The following BNIP2 variants were observed in gnomAD, a reference collection of about 807,000 sequenced individuals.
The protein encoded by BNIP2 is BCL2 interacting protein 2.
BNIP2 carries 36 observed loss-of-function variants against 43.4 expected under a neutral mutation model. The observed-to-expected ratio is 0.83, with a 90% CI of 0.64 to 1.10. BNIP2 has a LOEUF of 1.10. Among genes scored for constraint, BNIP2 ranks in the 50% least tolerant of loss-of-function variants. BNIP2 has a pLI of 0.00. For missense variants in BNIP2, 417 were observed against 374.1 expected (o/e 1.11, Z -0.95); for synonymous variants, 146 against 121.0 (o/e 1.21, Z -1.35).
chr15:59,679,515 T>C, intron 4 of BNIP2, 77 bp downstream of exon 4: 3 of 1,414,556 alleles, frequency 2.1e-6, no homozygotes, highest in East Asian at 2.5e-5. Context: ...ATATGAACTT[T>C]AGAAAGAATG....
At chr15:59,672,818 A>G (rs1487518899) in intron 5 of BNIP2, 79 bp from the exon 6 acceptor site, 3 of 967,160 alleles carry the variant, frequency 3.1e-6, no homozygotes, top group Middle Eastern at 2.1e-4. Context: ...TATGATTAGT[A>G]AATTATAAAT....
At position 59,669,471 on chromosome 15, in the gene BNIP2, T is replaced by C. The variant is rs555833137; in HGVS notation, c.708-109A>G. On this transcript the variant is annotated intron_variant, in intron 7 of 9. Transcript: ENST00000607373. ...ATAGTTGAAAAATCTCACCCAAAAGTTCTCAATTAGGTGTGATACCCCTGT... is the reference window on the plus strand; with the variant it reads ...ATAGTTGAAAAATCTCACCCAAAAGCTCTCAATTAGGTGTGATACCCCTGT... 3.1e-4 allele frequency: 233 copies of C among 741,800 alleles called. 8 individuals carry two copies. The South Asian group carries it at 5.3e-3, about 17-fold the overall frequency. The allele number at this position is 741,800 out of a possible 1,614,324, so 46.0% of individuals were successfully genotyped here.
intron 4 of BNIP2, chr15:59,679,365 T>G: frequency 2.6e-6 from 1 of 383,236 alleles, no homozygotes; most frequent in Non-Finnish European, 4.6e-6. Context: ...TCAAGAAATA[T>G]TTTTGAAACA....
chr15:59,681,594 G>A (rs1180039245), intron 2 of BNIP2, among the ~76,000 whole-genome samples: 2 of 152,064 alleles, frequency 1.3e-5, no homozygotes, highest in South Asian at 2.1e-4. Context: ...GACTACAGGC[G>A]AGCGCCAAGC....
intron 1 of BNIP2, among the ~76,000 whole-genome samples, chr15:59,685,192 T>A (rs1893932752): frequency 6.6e-6 from 1 of 152,192 alleles, no homozygotes; most frequent in Admixed American, 6.5e-5. Context: ...TGGAACAAGT[T>A]TGTCTCTGTG....
intron 9 of BNIP2, 22 bp downstream of exon 9, chr15:59,668,870 A>T (rs1319949248): frequency 6.4e-7 from 1 of 1,571,968 alleles, no homozygotes; most frequent in South Asian, 1.1e-5. Flanking sequence ...CAATACAATT[A>T]AGGAAATAAA....
At chr15:59,664,329 C>T (rs1003341357) in intron 9 of BNIP2, among the ~76,000 whole-genome samples, 16 of 152,028 alleles carry the variant, frequency 1.1e-4, no homozygotes, top group African/African-American at 3.6e-4. Context: ...GAAATGTGAC[C>T]GTTGTTTCTT....
chr15:59,677,738 G>C, intron 5 of BNIP2, 173 bp downstream of exon 5: 1 of 1,143,374 alleles, frequency 8.7e-7, no homozygotes, highest in South Asian at 2.6e-5. Flanking sequence ...AAAAAAACAA[G>C]CCCTCCAGGA....
rs931383450 is a variant in BNIP2 at position 59,662,264 on chromosome 15, A to G, written c.*1805T>C. The G allele has an allele frequency of 2.0e-5, 3 of 152,262 alleles. No individual in the cohort carries two copies. The highest frequency in any genetic ancestry group is 6.5e-5 in the Admixed American group (1 of 15,284). 9.4% of individuals were successfully genotyped at this position (152,262 alleles called of 1,614,324 possible). The stretch of plus-strand genomic sequence containing the variant: ...TCTACAAATATAGAATCTAATGACA[A>G]ATTCAATATAATTGTTTATACATAA... On this transcript the variant is annotated 3_prime_UTR_variant, in exon 10 of 10. Transcript: ENST00000607373.
intron 5 of BNIP2, chr15:59,677,699 T>C: frequency 8.6e-7 from 1 of 1,161,060 alleles, no homozygotes; most frequent in Non-Finnish European, 1.1e-6. Flanking sequence ...AGCTATATTT[T>C]CCATTAGTGC....
chr15:59,672,588 T>TCGGTGGTCGCCGTATCATTAAAAA, intron 6 of BNIP2, 49 bp downstream of exon 6: 1 of 1,384,928 alleles, frequency 7.2e-7, no homozygotes, highest in Non-Finnish European at 1.0e-6. Context: ...GGTGTAGATC[T>TCGGTGGTCGCCGTATCATTAAAAA]AATTAGCTCA....
At chr15:59,687,425 C>A (rs1282575662) in intron 1 of BNIP2, among the ~76,000 whole-genome samples, 2 of 150,356 alleles carry the variant, frequency 1.3e-5, no homozygotes, top group Admixed American at 6.6e-5. Flanking sequence ...AATCTCGGCT[C>A]GCTACAACCT....
At chr15:59,673,349 C>T (rs1171711780) in intron 5 of BNIP2, among the ~76,000 whole-genome samples, 6 of 151,484 alleles carry the variant, frequency 4.0e-5, no homozygotes, top group African/African-American at 1.2e-4. Flanking sequence ...CTCCTGACCT[C>T]GTGATCTGCC....
chr15:59,686,787 C>T (rs766752198), intron 1 of BNIP2, among the ~76,000 whole-genome samples: 8 of 152,090 alleles, frequency 5.3e-5, no homozygotes, highest in Non-Finnish European at 7.4e-5. Context: ...GAGGCTGAGG[C>T]GGACGGATCA....
At chr15:59,688,683 G>C in intron 1 of BNIP2, 1 of 1,530,592 alleles carries the variant, frequency 6.5e-7, no homozygotes, top group Non-Finnish European at 8.8e-7. Context: ...TTAAAGCCCT[G>C]ATTACTTATG....
At chr15:59,673,099 G>C (rs1893037343) in intron 5 of BNIP2, among the ~76,000 whole-genome samples, 1 of 150,190 alleles carries the variant, frequency 6.7e-6, no homozygotes, top group Non-Finnish European at 1.5e-5. Flanking sequence ...TTATTTCTAT[G>C]ATGCTTATGG....
Position 59,668,089 on chromosome 15 carries a change from A to G in BNIP2, c.893+803T>C, listed in dbSNP as rs564650990. The G allele has an allele frequency of 3.9e-6, 5 of 1,296,074 alleles. No homozygotes were observed. The East Asian group carries it at 2.8e-4, about 72-fold the overall frequency. 80.3% of individuals were successfully genotyped at this position (1,296,074 alleles called of 1,614,324 possible). On this transcript the variant is annotated intron_variant, in intron 9 of 9. Coordinates refer to ENST00000607373, the MANE Select transcript of BNIP2 (RefSeq NM_004330.4). ...GACTAGTCTAGATGCAACCCAGTCA[A>G]GGTGTGCATATACCTTTTTTGTTTC...
chr15:59,667,466 C>G (rs546443903), intron 9 of BNIP2, among the ~76,000 whole-genome samples: 57 of 152,196 alleles, frequency 3.7e-4, no homozygotes, highest in Non-Finnish European at 7.9e-4. Flanking sequence ...TCATCTATGT[C>G]AAGGTATCAA....
In BNIP2 at chr15:59,679,395, A is replaced by G. The variant is rs189501059; in HGVS notation, c.295+197T>C. The stretch of plus-strand genomic sequence containing the variant: ...GAAACAGCTATGAAAAAAACATGAG[A>G]GCAGTGGGCAAATAAGAGGGGAAAA... On this transcript the variant is annotated intron_variant, in intron 4 of 9. Coordinates refer to ENST00000607373, the MANE Select transcript of BNIP2 (RefSeq NM_004330.4). 6.4e-4 allele frequency: 295 copies of G among 462,230 alleles called. 3 individuals carry two copies. The highest frequency in any genetic ancestry group is 1.3e-4 in the Non-Finnish European group (34 of 269,128). 28.6% of individuals were successfully genotyped at this position (462,230 alleles called of 1,614,324 possible).
Sources: allele counts gnomAD v4.1 joint callset (sites outside exome capture counted in the v4.1 genomes callset), GRCh38; gene constraint gnomAD v4.1.1; transcripts MANE v1.5; gene names NCBI Gene and HGNC (gene_info 2026-07-23, HGNC 2026-07-21).